EFNA5: variants seen among roughly 807,000 people sequenced by gnomAD.
EFNA5 encodes ephrin-A5.
A neutral mutation model predicts 22.9 loss-of-function variants in EFNA5; 5 were observed. The ratio of observed to expected loss-of-function variants is 0.22; its 90% CI spans 0.11 to 0.46. The LOEUF is 0.46. EFNA5 is among the 20% of genes least tolerant of loss of function. The probability of loss-of-function intolerance (pLI) is 0.99; values close to 1 mark genes in which losing one functional copy is unlikely to be tolerated. For synonymous variants in EFNA5, 113 were observed against 112.2 expected, an observed-to-expected ratio of 1.01 and a Z score of -0.04; for missense variants, 237 against 293.3, an observed-to-expected ratio of 0.81 and a Z score of 1.40.
At chr5:107,533,483 A>C (rs1025715222) in intron 1 of EFNA5, among the ~76,000 whole-genome samples, 1 of 152,304 alleles carries the variant, frequency 6.6e-6, no homozygotes, top group African/African-American at 2.4e-5. Flanking sequence ...AGCTGTGTCA[A>C]GTGCTTGCTT....
At position 107,414,091 on chromosome 5, in the gene EFNA5, A is replaced by G. The variant is rs374955298; in HGVS notation, c.418+13126T>C. On this transcript the variant is annotated intron_variant, in intron 2 of 4. Transcript: ENST00000333274. ...TAAGCCAATGTTCTCGAAGTGTGGT[A>G]CAACTTGCAGGAAAAACAGCTGGAG... Among the ~76,000 whole-genome samples the G allele has an allele frequency of 1.5e-4, 23 of 152,298 alleles. No homozygotes were observed. In the East Asian group the frequency reaches 3.3e-3, roughly 22 times the overall value.
chr5:107,592,204 T>G (rs1749385058), intron 1 of EFNA5, among the ~76,000 whole-genome samples: 1 of 146,810 alleles, frequency 6.8e-6, no homozygotes, highest in Admixed American at 7.1e-5. Flanking sequence ...TATTCCAGTT[T>G]ATTTCCAAAG....
At chr5:107,411,530 T>C (rs1748365943) in intron 2 of EFNA5, among the ~76,000 whole-genome samples, 1 of 152,248 alleles carries the variant, frequency 6.6e-6, no homozygotes, top group Admixed American at 6.5e-5. Context: ...TGGCTGAGTC[T>C]TGATGAAACT....
In EFNA5 at chr5:107,379,277, T is replaced by A. The variant is rs1166421651; in HGVS notation, c.*1978A>T. The A allele has an allele frequency of 2.6e-5, 4 of 152,156 alleles. No homozygotes were observed. The highest frequency in any genetic ancestry group is 5.9e-5 in the Non-Finnish European group (4 of 68,038). The allele number at this position is 152,156 out of a possible 1,614,324, so 9.4% of individuals were successfully genotyped here. A position where few individuals can be genotyped will look rare whatever the true frequency, so the allele number is the denominator to read the frequency against. On this transcript the variant is annotated 3_prime_UTR_variant, in exon 5 of 5. Coordinates refer to ENST00000333274, the MANE Select transcript of EFNA5 (RefSeq NM_001962.3). ...AGCCCAGATTACATTTCAACATGTG[T>A]ACAACTCTCCAGGGCACAATACGTT...
chr5:107,467,484 T>C (rs1196946526), intron 1 of EFNA5, among the ~76,000 whole-genome samples: 1 of 152,160 alleles, frequency 6.6e-6, no homozygotes, highest in Non-Finnish European at 1.5e-5. Context: ...AAAGGGACAT[T>C]TGGAAAAAGG....
At chr5:107,482,909 C>CAT (rs1268537064) in intron 1 of EFNA5, among the ~76,000 whole-genome samples, 1 of 148,860 alleles carries the variant, frequency 6.7e-6, no homozygotes, top group Admixed American at 6.7e-5. Flanking sequence ...CATATATACA[C>CAT]ATACACACAC....
At chr5:107,554,303 A>C (rs1748362581) in intron 1 of EFNA5, among the ~76,000 whole-genome samples, 1 of 152,250 alleles carries the variant, frequency 6.6e-6, no homozygotes, top group Non-Finnish European at 1.5e-5. Context: ...GTATATTAAA[A>C]GCACACATCT....
chr5:107,468,956 G>A (rs751337516), intron 1 of EFNA5, among the ~76,000 whole-genome samples: 1 of 152,192 alleles, frequency 6.6e-6, no homozygotes, highest in Non-Finnish European at 1.5e-5. Flanking sequence ...ACTTATGGGT[G>A]ATGGAGGAGA....
chr5:107,466,796 G>A (rs1044502029), intron 1 of EFNA5, among the ~76,000 whole-genome samples: 1 of 152,150 alleles, frequency 6.6e-6, no homozygotes, highest in Admixed American at 6.5e-5. Flanking sequence ...TCAGGAAAGG[G>A]CTCCAGAAGC....
At chr5:107,453,438 T>C (rs1187269024) in intron 1 of EFNA5, among the ~76,000 whole-genome samples, 1 of 152,208 alleles carries the variant, frequency 6.6e-6, no homozygotes, top group East Asian at 1.9e-4. Context: ...TAGCTTAAAA[T>C]ATGCTGAGCC....
intron 1 of EFNA5, among the ~76,000 whole-genome samples, chr5:107,622,974 T>C (rs887505672): frequency 2.8e-4 from 38 of 134,314 alleles, no homozygotes; most frequent in African/African-American, 9.5e-4. Context: ...TGAGCCGAGA[T>C]TGCGCCACTG....
At chr5:107,389,583 G>A (rs1438853780) in intron 2 of EFNA5, among the ~76,000 whole-genome samples, 3 of 152,206 alleles carry the variant, frequency 2.0e-5, no homozygotes. Flanking sequence ...GCTGAAGACA[G>A]AATCAAATGC....
chr5:107,620,992 A>G (rs1750023865), intron 1 of EFNA5, among the ~76,000 whole-genome samples: 1 of 152,198 alleles, frequency 6.6e-6, no homozygotes, highest in South Asian at 2.1e-4. Context: ...AGGGAAGGGA[A>G]AGTAATTTGT....
intron 1 of EFNA5, among the ~76,000 whole-genome samples, chr5:107,505,067 T>C (rs1210722878): frequency 6.6e-6 from 1 of 152,120 alleles, no homozygotes; most frequent in African/African-American, 2.4e-5. Flanking sequence ...GGACAAGCTC[T>C]GTAAAGAAAA....
chr5:107,524,164 C>T (rs1445149747), intron 1 of EFNA5, among the ~76,000 whole-genome samples: 1 of 152,190 alleles, frequency 6.6e-6, no homozygotes. Flanking sequence ...CACTGAGCCA[C>T]GCACATTCTA....
chr5:107,508,958 G>A (rs1219473892), intron 1 of EFNA5, among the ~76,000 whole-genome samples: 1 of 152,134 alleles, frequency 6.6e-6, no homozygotes, highest in African/African-American at 2.4e-5. Context: ...TGTCCTGACA[G>A]TTTATAGTTC....
At chr5:107,486,060 A>G (rs904351743) in intron 1 of EFNA5, among the ~76,000 whole-genome samples, 16 of 152,226 alleles carry the variant, frequency 1.1e-4, no homozygotes, top group Admixed American at 5.9e-4. Context: ...GAGACGAGAA[A>G]TGAGTGTCTC....
chr5:107,422,647 A>C (rs1391603676), intron 2 of EFNA5, among the ~76,000 whole-genome samples: 2 of 152,254 alleles, frequency 1.3e-5, no homozygotes, highest in African/African-American at 4.8e-5. Context: ...CTGAGTAGCC[A>C]GAATCAGGCA....
At chr5:107,597,969 T>C (rs186552069) in intron 1 of EFNA5, among the ~76,000 whole-genome samples, 42 of 152,328 alleles carry the variant, frequency 2.8e-4, no homozygotes, top group Admixed American at 2.2e-3. Flanking sequence ...CATGGATCTC[T>C]AACAACTTCT....
Sources: gnomAD v4.1 joint callset for allele counts (sites outside exome capture counted in the v4.1 genomes callset) on GRCh38, gnomAD v4.1.1 for gene constraint, MANE v1.5 for transcripts, NCBI Gene and HGNC (gene_info 2026-07-23, HGNC 2026-07-21) for gene names.